The following RCBTB1 variants were observed in gnomAD, a reference collection of about 807,000 sequenced individuals.
RCBTB1 encodes RCC1 and BTB domain-containing protein 1.
RCBTB1 carries 46 observed loss-of-function variants against 62.4 expected under a neutral mutation model. The ratio of observed to expected loss-of-function variants is 0.74; its 90% CI spans 0.58 to 0.94. The LOEUF is 0.94. Ranked by LOEUF, RCBTB1 falls within the 40% of genes least tolerant of loss-of-function variation. The pLI, the probability that RCBTB1 is intolerant of heterozygous loss-of-function variation, is 0.00. For synonymous variants in RCBTB1, 222 were observed against 245.8 expected, an observed-to-expected ratio of 0.90 and a Z score of 0.91; for missense variants, 565 against 654.9, an observed-to-expected ratio of 0.86 and a Z score of 1.50.
intron 12 of RCBTB1, among the ~76,000 whole-genome samples, chr13:49,534,760 A>G (rs1004866264): frequency 2.0e-5 from 3 of 152,226 alleles, no homozygotes; most frequent in African/African-American, 7.2e-5. Context: ...CCAGCCGGGC[A>G]CGGTGGCTCA....
In RCBTB1 at chr13:49,533,712, T is replaced by C. The variant is rs549826860; in HGVS notation, c.*410A>G. ...TTTAATTCACGATGGGGCCTCTCCA[T>C]TCATCTCACAATTCCCCAACTATCA... On this transcript the variant is annotated 3_prime_UTR_variant, in exon 13 of 13. Coordinates refer to ENST00000378302, the MANE Select transcript of RCBTB1 (RefSeq NM_018191.4). The C allele has an allele frequency of 1.9e-5, 3 of 154,626 alleles. No homozygotes were observed. The highest frequency in any genetic ancestry group is 6.4e-5 in the Admixed American group (1 of 15,504). 9.6% of individuals were successfully genotyped at this position (154,626 alleles called of 1,614,324 possible). A position where few individuals can be genotyped will look rare whatever the true frequency, so the allele number is the denominator to read the frequency against.
intron 11 of RCBTB1, 76 bp from the exon 12 acceptor site, chr13:49,541,082 CAG>C: frequency 7.9e-7 from 1 of 1,273,828 alleles, no homozygotes; most frequent in Non-Finnish European, 1.1e-6. Flanking sequence ...TTTTGGTGAA[CAG>C]AGGTGTACAG....
rs185372950 is a variant in RCBTB1, at chr13:49,567,065, C to T, written c.126+89G>A. The T allele has an allele frequency of 1.6e-4, 200 of 1,238,998 alleles. 1 individual carries two copies. The African/African-American group carries it at 2.5e-3, about 15-fold the overall frequency. 76.8% of individuals were successfully genotyped at this position (1,238,998 alleles called of 1,614,324 possible). A position where few individuals can be genotyped will look rare whatever the true frequency, so the allele number is the denominator to read the frequency against. On this transcript the variant is annotated intron_variant, in intron 3 of 12. Transcript: ENST00000378302. ...ACTTCAGGATCTCTTTATTTATACC[C>T]CGCCTTTTCTCCATCTTTGAACTGG...
chr13:49,552,688 G>A (rs183846064), intron 6 of RCBTB1, among the ~76,000 whole-genome samples: 75 of 152,220 alleles, frequency 4.9e-4, no homozygotes, highest in Non-Finnish European at 8.4e-4. Context: ...TAATCAAGGC[G>A]CTGCAGAACA....
intron 8 of RCBTB1, chr13:49,550,516 A>G: frequency 1.8e-6 from 1 of 561,210 alleles, no homozygotes; most frequent in Non-Finnish European, 2.3e-6. Flanking sequence ...AACATCAAGC[A>G]TCTATTCCAG....
chr13:49,534,949 G>A lies in RCBTB1; in HGVS notation c.1456-687C>T, dbSNP rs151311812. Reference sequence around the variant, plus strand: ...CTCAGGAGACTGAGACAGGAGAATCGTTTGAGCCTGGGAGGCAGAGGTTGC... The same window carrying A: ...CTCAGGAGACTGAGACAGGAGAATCATTTGAGCCTGGGAGGCAGAGGTTGC... On this transcript the variant is annotated intron_variant, in intron 12 of 12. Transcript: ENST00000378302. Among the ~76,000 whole-genome samples, 612 of 152,266 alleles carry A rather than the reference G, an allele frequency of 4.0e-3. 1 individual carries two copies. The highest frequency in any genetic ancestry group is 0.014 in the African/African-American group (579 of 41,542).
chr13:49,554,475 T>C (rs1375031856), intron 6 of RCBTB1, among the ~76,000 whole-genome samples: 1 of 152,194 alleles, frequency 6.6e-6, no homozygotes, highest in Non-Finnish European at 1.5e-5. Flanking sequence ...ATAAGGTCTA[T>C]GCATAAACTC....
At position 49,549,548 on chromosome 13, in the gene RCBTB1, T is replaced by C; in HGVS notation, c.955A>G (p.Ile319Val). The change falls in exon 9 of 13, where the codon ATC becomes GTC. Residue 319 changes from isoleucine (I) to valine (V), a missense_variant. Coordinates refer to ENST00000378302, the MANE Select transcript of RCBTB1 (RefSeq NM_018191.4). ...GAGAAGTGGGTGAGGTGCGGGAGGA[T>C]CACGGACTGACCCCGGCACTGGCCC... The part of the protein sequence containing the change: ...MWGQCRGQSV[I>V]LPHLTHFSCT... 4.3e-6 allele frequency: 7 copies of C among 1,613,920 alleles called. No homozygotes were observed. Among genetic ancestry groups the C allele is most frequent in the African/African-American group, 1.3e-5 (1 of 74,928 alleles).
At position 49,552,173 on chromosome 13, in the gene RCBTB1, C is replaced by T. The variant is rs780573370; in HGVS notation, c.711+5G>A. ...AGCCACTAACTGAGAGTGCACCACA[C>T]GTACCTGGTTCACACACACGCTGTG... On this transcript the variant is annotated splice_donor_5th_base_variant and intron_variant, in intron 7 of 12. Transcript: ENST00000378302. 4.5e-6 allele frequency: 7 copies of T among 1,556,340 alleles called. No homozygotes were observed. The highest frequency in any genetic ancestry group is 1.9e-5 in the Admixed American group (1 of 53,090).
At chr13:49,546,621 G>A (rs1406965480) in intron 9 of RCBTB1, among the ~76,000 whole-genome samples, 1 of 152,242 alleles carries the variant, frequency 6.6e-6, no homozygotes. Context: ...GGCCCCATCT[G>A]GGGGTGATGG....
At chr13:49,544,966 T>A in intron 9 of RCBTB1, 103 bp from the exon 10 acceptor site, 1 of 977,212 alleles carries the variant, frequency 1.0e-6, no homozygotes, top group Non-Finnish European at 1.5e-6. Flanking sequence ...TAATTCCACT[T>A]GTTTTTTTTT....
intron 2 of RCBTB1, among the ~76,000 whole-genome samples, chr13:49,579,624 GAAAA>G (rs66531473): frequency 7.2e-6 from 1 of 139,024 alleles, no homozygotes; most frequent in Non-Finnish European, 1.5e-5. Flanking sequence ...ACTTGTCTCA[GAAAA>G]AAAAAAAAAA....
intron 10 of RCBTB1, among the ~76,000 whole-genome samples, chr13:49,544,198 G>A (rs1033113437): frequency 1.3e-5 from 2 of 152,186 alleles, no homozygotes; most frequent in African/African-American, 4.8e-5. Context: ...AGCTGGGCGT[G>A]GTAGCTCACA....
rs1963054786 is a variant in RCBTB1 at position 49,566,827 on chromosome 13, C to T, written c.127-59G>A. 2.7e-6 allele frequency: 4 copies of T among 1,463,204 alleles called. No individual in the cohort carries two copies. The South Asian group carries it at 3.9e-5, about 14-fold the overall frequency. 90.6% of individuals were successfully genotyped at this position (1,463,204 alleles called of 1,614,324 possible). ...TGACCGAAAGCTGTATTAAAAGCTC[C>T]CTTCTCTCCTCTGAAAATAAGACAT... On this transcript the variant is annotated intron_variant, in intron 3 of 12. Coordinates refer to ENST00000378302, the MANE Select transcript of RCBTB1 (RefSeq NM_018191.4).
chr13:49,566,625 G>A lies in RCBTB1; in HGVS notation c.270C>T (p.Ser90=), dbSNP rs776470228. 1.5e-5 allele frequency: 24 copies of A among 1,612,412 alleles called. No homozygotes were observed. Among genetic ancestry groups the A allele is most frequent in the Non-Finnish European group, 1.9e-5 (22 of 1,179,614 alleles). ...GATGGGTTCCCTCCTTACCTTCGGTGCTGAGAAGAACATGTGGTCCACTCC... is the reference window on the plus strand; with the variant it reads ...GATGGGTTCCCTCCTTACCTTCGGTACTGAGAAGAACATGTGGTCCACTCC... The part of the protein sequence containing the change: ...SYGSGPHVLL[S]TEDGVVYAWG... Residue 90 remains serine (S), a synonymous_variant, in exon 4 of 13, where the codon AGC becomes AGT. Transcript: ENST00000378302.
At chr13:49,535,481 C>T (rs1355993594) in intron 12 of RCBTB1, among the ~76,000 whole-genome samples, 2 of 152,222 alleles carry the variant, frequency 1.3e-5, no homozygotes, top group African/African-American at 4.8e-5. Flanking sequence ...AAGGTCAGCA[C>T]TCCGGGTTCT....
Position 49,551,388 on chromosome 13 carries a change from C to G in RCBTB1, c.792G>C (p.Gln264His). 6.2e-7 allele frequency: 1 copy of G among 1,614,222 alleles called. No individual in the cohort carries two copies. The highest frequency in any genetic ancestry group is 1.3e-5 in the African/African-American group (1 of 75,060). ...LYAWGANTYG[Q>H]LGTGNKNNLL... The stretch of plus-strand genomic sequence containing the variant: ...GGTTATTTTTATTGCCAGTTCCCAG[C>G]TGCCCATATGTGTTAGCTCCCCAGG... Residue 264 changes from glutamine to histidine, a missense_variant, in exon 8 of 13, where the codon CAG (glutamine) becomes CAC (histidine). Coordinates refer to ENST00000378302, the MANE Select transcript of RCBTB1 (RefSeq NM_018191.4).
chr13:49,569,944 G>C (rs1014736962), intron 2 of RCBTB1, among the ~76,000 whole-genome samples: 1 of 151,946 alleles, frequency 6.6e-6, no homozygotes, highest in African/African-American at 2.4e-5. Context: ...GGAACAAGAT[G>C]CCCCTCAAAC....
chr13:49,549,975 G>T, intron 8 of RCBTB1: 1 of 865,566 alleles, frequency 1.2e-6, no homozygotes, highest in Non-Finnish European at 1.4e-6. Context: ...AAATGTGATG[G>T]CTTAAATACC....
Sources: gnomAD v4.1 joint callset for allele counts (sites outside exome capture counted in the v4.1 genomes callset) on GRCh38, gnomAD v4.1.1 for gene constraint, MANE v1.5 for transcripts, NCBI Gene and HGNC (gene_info 2026-07-23, HGNC 2026-07-21) for gene names.